The following PDE1C variants were observed in gnomAD, a reference collection of about 807,000 sequenced individuals.
PDE1C encodes phosphodiesterase 1C, also known as dual specificity calcium/calmodulin-dependent 3',5'-cyclic nucleotide phosphodiesterase 1C.
Under a neutral mutation model 93.1 loss-of-function variants are expected in PDE1C, and 62 were observed. The observed-to-expected ratio is 0.67, with a 90% CI of 0.54 to 0.82. PDE1C has a LOEUF of 0.82. PDE1C is among the 40% of genes least tolerant of loss of function. The pLI is 0.00. For missense variants in PDE1C, 742 were observed against 884.6 expected (o/e 0.84, Z 2.04); for synonymous variants, 325 against 310.1 (o/e 1.05, Z -0.50).
At chr7:32,112,098 C>T (rs1798674395) in intron 3 of PDE1C, among the ~76,000 whole-genome samples, 1 of 152,120 alleles carries the variant, frequency 6.6e-6, no homozygotes, top group Non-Finnish European at 1.5e-5. Flanking sequence ...ATAAGGGAAT[C>T]CTTGTATTGA....
upstream of PDE1C, chr7:32,299,548 T>TA: frequency 8.2e-6 from 3 of 367,500 alleles, 1 homozygote; most frequent in African/African-American, 6.7e-5. Flanking sequence ...CCCAATGTGA[T>TA]AGACTCCTGG....
chr7:32,007,009 T>C (rs1786359486), intron 2 of PDE1C, among the ~76,000 whole-genome samples: 1 of 152,240 alleles, frequency 6.6e-6, no homozygotes, highest in South Asian at 2.1e-4. Context: ...GTGATGCTCT[T>C]TGGTGTAATC....
the PDE1C span, among the ~76,000 whole-genome samples, chr7:31,709,634 G>T: frequency 6.6e-6 from 1 of 152,084 alleles, no homozygotes; most frequent in Admixed American, 6.5e-5. Flanking sequence ...TCTTAAAAGA[G>T]CATATACAGA....
chr7:32,120,073 C>T (rs531544701), intron 3 of PDE1C, among the ~76,000 whole-genome samples: 1 of 152,338 alleles, frequency 6.6e-6, no homozygotes, highest in South Asian at 2.1e-4. Context: ...GGCTGGACAG[C>T]TTCATCCCTA....
chr7:32,246,713 T>G (rs1235815944), intron 1 of PDE1C, among the ~76,000 whole-genome samples: 1 of 152,222 alleles, frequency 6.6e-6, no homozygotes, highest in African/African-American at 2.4e-5. Flanking sequence ...AAACACTGGC[T>G]CTCCTAAATA....
At chr7:32,224,593 G>T (rs1807117195) in intron 1 of PDE1C, among the ~76,000 whole-genome samples, 1 of 152,208 alleles carries the variant, frequency 6.6e-6, no homozygotes, top group East Asian at 1.9e-4. Flanking sequence ...GTAGATGGTG[G>T]TGGTGGTATT....
intron 1 of PDE1C, among the ~76,000 whole-genome samples, chr7:32,314,577 GC>G (rs1184916837): frequency 6.6e-6 from 1 of 152,140 alleles, no homozygotes; most frequent in Non-Finnish European, 1.5e-5. Context: ...CCTTAGTCAG[GC>G]CATCATGGGT....
intron 3 of PDE1C, among the ~76,000 whole-genome samples, chr7:32,078,171 A>G (rs1237791193): frequency 6.6e-6 from 1 of 152,232 alleles, no homozygotes; most frequent in African/African-American, 2.4e-5. Context: ...AAATTTGAAT[A>G]TGGAAAAACC....
At chr7:31,849,697 T>C (rs1023072158) in intron 8 of PDE1C, among the ~76,000 whole-genome samples, 5 of 152,132 alleles carry the variant, frequency 3.3e-5, no homozygotes, top group African/African-American at 1.2e-4. Context: ...CTCTCATCCC[T>C]CCCTGCTACA....
Position 32,215,036 on chromosome 7 carries a change from C to T in PDE1C, c.86-5497G>A, listed in dbSNP as rs200677973. 2.6e-5 allele frequency among the ~76,000 whole-genome samples: 4 copies of T among 152,104 alleles called. No individual in the cohort carries two copies. The East Asian group carries it at 7.7e-4, about 29-fold the overall frequency. Reference sequence around the variant, plus strand: ...TGGTCCTGTGGCAGATCCACTGGGTCAGAATCCCTGCAAGTGAGGACAGGA... The same window carrying T: ...TGGTCCTGTGGCAGATCCACTGGGTTAGAATCCCTGCAAGTGAGGACAGGA... On this transcript the variant is annotated intron_variant, in intron 1 of 18. Coordinates refer to the PDE1C transcript ENST00000396193.
At chr7:32,213,987 A>C (rs1186561788) in intron 1 of PDE1C, among the ~76,000 whole-genome samples, 1 of 152,168 alleles carries the variant, frequency 6.6e-6, no homozygotes, top group African/African-American at 2.4e-5. Context: ...ATAGTTTATG[A>C]TAATCAGGAA....
At chr7:31,694,752 G>A in the PDE1C span, among the ~76,000 whole-genome samples, 2 of 152,180 alleles carry the variant, frequency 1.3e-5, no homozygotes, top group African/African-American at 4.8e-5. Flanking sequence ...GGAGAGACTT[G>A]AATGGGCAGG....
At chr7:32,371,046 G>A (rs1784323404) in intron 1 of PDE1C, among the ~76,000 whole-genome samples, 1 of 148,948 alleles carries the variant, frequency 6.7e-6, no homozygotes, top group South Asian at 2.1e-4. Context: ...TCTTGAACTT[G>A]GCCTATAGAC....
chr7:32,027,645 A>AAAAAAAAAAAAG (rs70989633), intron 2 of PDE1C, among the ~76,000 whole-genome samples: 1 of 69,366 alleles, frequency 1.4e-5, no homozygotes, highest in East Asian at 4.5e-4. Context: ...AAAAAAAAAA[A>AAAAAAAAAAAAG]GACTAATGGG....
chr7:32,013,354 T>C (rs888940178), intron 2 of PDE1C, among the ~76,000 whole-genome samples: 1 of 152,212 alleles, frequency 6.6e-6, no homozygotes, highest in South Asian at 2.1e-4. Context: ...TACTTGAACA[T>C]AAATTTTCTC....
intron 2 of PDE1C, among the ~76,000 whole-genome samples, chr7:31,949,825 A>G (rs1364519377): frequency 6.6e-6 from 1 of 152,176 alleles, no homozygotes; most frequent in Non-Finnish European, 1.5e-5. Context: ...TGATAAATGA[A>G]CTAGATACTT....
upstream of PDE1C, among the ~76,000 whole-genome samples, chr7:32,075,593 AAG>A (rs1164578442): frequency 7.3e-5 from 11 of 151,154 alleles, no homozygotes; most frequent in Non-Finnish European, 1.5e-4. Context: ...CCCTAGAAAA[AAG>A]AGGTGAAAGA....
chr7:31,949,541 T>C (rs146908807), intron 2 of PDE1C, among the ~76,000 whole-genome samples: 1,600 of 152,314 alleles, frequency 0.011, 15 homozygotes, highest in Non-Finnish European at 0.019. Context: ...TTTTTATTTC[T>C]AAAATTGAAG....
At chr7:32,001,775 A>T (rs1004187640) in intron 2 of PDE1C, among the ~76,000 whole-genome samples, 2 of 152,164 alleles carry the variant, frequency 1.3e-5, no homozygotes, top group African/African-American at 4.8e-5. Flanking sequence ...AAGCATTAAA[A>T]CACAATAGGT....
Sources: allele counts gnomAD v4.1 joint callset (sites outside exome capture counted in the v4.1 genomes callset), GRCh38; gene constraint gnomAD v4.1.1; transcripts MANE v1.5; gene names NCBI Gene and HGNC (gene_info 2026-07-23, HGNC 2026-07-21).